The following SNRPE variants were observed in gnomAD, a reference collection of about 807,000 sequenced individuals.
The protein encoded by SNRPE is small nuclear ribonucleoprotein polypeptide E, also known as small nuclear ribonucleoprotein E.
For synonymous variants in SNRPE, 35 were observed against 36.7 expected, an observed-to-expected ratio of 0.95 and a Z score of 0.17; for missense variants, 53 against 111.6, an observed-to-expected ratio of 0.48 and a Z score of 2.36.
At chr1:203,862,030 C>G (rs573112737) in intron 1 of SNRPE, 166 bp from the exon 2 acceptor site, 22 of 643,948 alleles carry the variant, frequency 3.4e-5, no homozygotes, top group South Asian at 3.3e-4. Flanking sequence ...GTTCTTTAGT[C>G]TTTAGAAGAC....
At chr1:203,863,958 T>C (rs1345258725) in intron 3 of SNRPE, among the ~76,000 whole-genome samples, 1 of 152,104 alleles carries the variant, frequency 6.6e-6, no homozygotes, top group Non-Finnish European at 1.5e-5. Flanking sequence ...AGAAGAAAAT[T>C]TGTATTTGAT....
intron 1 of SNRPE, 64 bp from the exon 2 acceptor site, chr1:203,862,132 C>T (rs1193358990): frequency 1.3e-5 from 16 of 1,274,752 alleles, no homozygotes; most frequent in Non-Finnish European, 1.7e-5. Flanking sequence ...TAGCGTCGTC[C>T]GGTTGTTTCA....
At chr1:203,864,902 C>CAAAA in intron 3 of SNRPE, 139 bp from the exon 4 acceptor site, 14 of 246,340 alleles carry the variant, frequency 5.7e-5, no homozygotes, top group Non-Finnish European at 9.1e-5. Flanking sequence ...AAAAAAAAAA[C>CAAAA]TTTGGGTGGA....
At chr1:203,863,282 A>G (rs1279437908) in intron 2 of SNRPE, among the ~76,000 whole-genome samples, 1 of 151,976 alleles carries the variant, frequency 6.6e-6, no homozygotes, top group African/African-American at 2.4e-5. Flanking sequence ...TTGGCATCCC[A>G]AAGTATGGGA....
At chr1:203,862,553 A>G (rs1344232036) in intron 2 of SNRPE, among the ~76,000 whole-genome samples, 1 of 152,180 alleles carries the variant, frequency 6.6e-6, no homozygotes, top group African/African-American at 2.4e-5. Context: ...AGAACATTGG[A>G]ACCTCTCCCC....
intron 2 of SNRPE, among the ~76,000 whole-genome samples, chr1:203,863,239 T>G (rs987965855): frequency 1.3e-5 from 2 of 151,774 alleles, no homozygotes; most frequent in African/African-American, 4.8e-5. Flanking sequence ...AGGCTTATAT[T>G]GAACACCTGG....
intron 3 of SNRPE, among the ~76,000 whole-genome samples, chr1:203,864,200 C>T (rs758941682): frequency 2.0e-5 from 3 of 152,046 alleles, no homozygotes; most frequent in Non-Finnish European, 4.4e-5. Context: ...GTGATTCTCC[C>T]ACCTCAGCCT....
chr1:203,862,071 G>T, intron 1 of SNRPE, 125 bp from the exon 2 acceptor site: 1 of 759,818 alleles, frequency 1.3e-6, no homozygotes, highest in Middle Eastern at 2.3e-4. Context: ...GGCACTTGTT[G>T]TTTGCGTAAG....
At chr1:203,864,346 G>T (rs1051746091) in intron 3 of SNRPE, among the ~76,000 whole-genome samples, 10 of 152,104 alleles carry the variant, frequency 6.6e-5, no homozygotes, top group African/African-American at 2.4e-4. Context: ...ATTAGGGAGG[G>T]TGGGGTTATT....
intron 2 of SNRPE, 83 bp downstream of exon 2, chr1:203,862,305 T>G: frequency 3.2e-6 from 3 of 947,106 alleles, no homozygotes; most frequent in Non-Finnish European, 5.2e-6. Context: ...GAGCGATCGC[T>G]GTGTTCTAGA....
At chr1:203,869,637 C>CT (rs1690174130) in intron 4 of SNRPE, among the ~76,000 whole-genome samples, 1 of 152,224 alleles carries the variant, frequency 6.6e-6, no homozygotes, top group Admixed American at 6.5e-5. Context: ...ATTGAGTTGA[C>CT]TTAGTCCATA....
intron 2 of SNRPE, 37 bp from the exon 3 acceptor site, chr1:203,863,626 T>C: frequency 6.4e-7 from 1 of 1,552,140 alleles, no homozygotes; most frequent in Non-Finnish European, 8.9e-7. Flanking sequence ...GCCCTATTTT[T>C]CTTTTTTTAA....
rs1690204410 is a variant in SNRPE, at chr1:203,871,006, G to T, written c.*1074G>T. Among the ~76,000 whole-genome samples, 1 of 152,172 alleles carries T rather than the reference G, an allele frequency of 6.6e-6. No individual in the cohort carries two copies. Among genetic ancestry groups the T allele is most frequent in the African/African-American group, 2.4e-5 (1 of 41,444 alleles). The stretch of plus-strand genomic sequence containing the variant: ...AGACTTTTCATGAAACTGAATAAAA[G>T]AAATCCTTTCCGAGATAGAGGAGAT... On this transcript the variant is annotated 3_prime_UTR_variant, in exon 5 of 5. Coordinates refer to ENST00000414487, the MANE Select transcript of SNRPE (RefSeq NM_003094.4).
intron 4 of SNRPE, among the ~76,000 whole-genome samples, chr1:203,866,553 A>C (rs1690091396): frequency 6.6e-6 from 1 of 152,190 alleles, no homozygotes; most frequent in African/African-American, 2.4e-5. Flanking sequence ...AAGCAAACTC[A>C]ATTCCAACTC....
At chr1:203,867,776 C>G (rs1690124059) in intron 4 of SNRPE, among the ~76,000 whole-genome samples, 2 of 152,106 alleles carry the variant, frequency 1.3e-5, no homozygotes, top group South Asian at 4.1e-4. Context: ...TAACAGGGAC[C>G]AGGACTGGTA....
intron 4 of SNRPE, among the ~76,000 whole-genome samples, chr1:203,869,387 A>G (rs1264385760): frequency 7.3e-6 from 1 of 137,710 alleles, no homozygotes; most frequent in Non-Finnish European, 1.5e-5. Flanking sequence ...GCTCACTGCA[A>G]CCTCCGCCTC....
At position 203,869,837 on chromosome 1, in the gene SNRPE, G is replaced by A. The variant is rs199571868; in HGVS notation, c.224-40G>A. 3.5e-6 allele frequency: 5 copies of A among 1,431,400 alleles called. No homozygotes were observed. The African/African-American group carries it at 5.6e-5, about 16-fold the overall frequency. The allele number at this position is 1,431,400 out of a possible 1,614,324, so 88.7% of individuals were successfully genotyped here. ...AATTCTGAGAGTAAAACATCTGAGT[G>A]TGTGGCTATTAATAGCTTTTTGTTG... On this transcript the variant is annotated intron_variant, in intron 4 of 4. Transcript: ENST00000414487.
At chr1:203,867,868 C>T (rs9970867) in intron 4 of SNRPE, among the ~76,000 whole-genome samples, 115,088 of 151,910 alleles carry the variant, frequency 0.76, 43,694 homozygotes, top group East Asian at 0.8. Context: ...TGGGGGAAGG[C>T]GGGATTATGT....
At position 203,870,026 on chromosome 1, in the gene SNRPE, T is replaced by C; in HGVS notation, c.*94T>C. ...TGAACATTTATTCATATTGTTTTGA[T>C]TACCCTCGTGTTACTACAAGATGGC... On this transcript the variant is annotated 3_prime_UTR_variant, in exon 5 of 5. Transcript: ENST00000414487. 1.3e-6 allele frequency: 1 copy of C among 752,980 alleles called. No individual in the cohort carries two copies. The highest frequency in any genetic ancestry group is 1.8e-5 in the South Asian group (1 of 55,132). 46.6% of individuals were successfully genotyped at this position (752,980 alleles called of 1,614,324 possible).
Sources: allele counts gnomAD v4.1 joint callset (sites outside exome capture counted in the v4.1 genomes callset), GRCh38; gene constraint gnomAD v4.1.1; transcripts MANE v1.5; gene names NCBI Gene and HGNC (gene_info 2026-07-23, HGNC 2026-07-21).